NFASC: variants seen among roughly 807,000 people sequenced by gnomAD.
NFASC encodes the protein neurofascin, also known as neurofascin homolog.
Under a neutral mutation model 147.5 loss-of-function variants are expected in NFASC, and 43 were observed. The ratio of observed to expected loss-of-function variants is 0.29; its 90% CI spans 0.23 to 0.38. The LOEUF (loss-of-function observed/expected upper bound fraction) is 0.38. NFASC is among the 10% of genes least tolerant of loss of function. The probability of loss-of-function intolerance (pLI) is 1.00; values close to 1 mark genes in which losing one functional copy is unlikely to be tolerated. For synonymous variants in NFASC, 622 were observed against 665.5 expected (o/e 0.93, Z 1.01); for missense variants, 1,320 against 1,689.0 (o/e 0.78, Z 3.83).
intron 8 of NFASC, among the ~76,000 whole-genome samples, chr1:204,961,242 C>A (rs1232670118): frequency 6.6e-6 from 1 of 152,206 alleles, no homozygotes; most frequent in Non-Finnish European, 1.5e-5. Context: ...GTTTGAATTA[C>A]CTAACATTGG....
In NFASC at chr1:204,981,815, G is replaced by A. The variant is rs544193180; in HGVS notation, c.2265G>A (p.Ser755=). Residue 755 remains serine, a synonymous_variant, in exon 21 of 30, where the codon TCG becomes TCA. Coordinates refer to ENST00000339876, the MANE Select transcript of NFASC (RefSeq NM_001005388.3). ...EITWTPMNAT[S]AFGPNLRYIV... is the part of the protein sequence containing the mutation. ...CTGCCCAGCCCATGAATGCCACCTC[G>A]GCCTTTGGCCCCAACCTGCGCTACA... 28 of 1,566,720 alleles carry A rather than the reference G, an allele frequency of 1.8e-5. No homozygotes were observed. Among genetic ancestry groups the A allele is most frequent in the Admixed American group, 1.8e-5 (1 of 54,736 alleles).
chr1:205,016,051 C>T lies in NFASC; in HGVS notation c.3492-257C>T, dbSNP rs888698571. ...GGGACCCAATCTCATGGAAAAGACC[C>T]AGAACAGGAGCCCAAAAGCATGGGC... On this transcript the variant is annotated intron_variant, in intron 29 of 29. Coordinates refer to ENST00000339876, the MANE Select transcript of NFASC (RefSeq NM_001005388.3). The surrounding 1 kb of genome is among the most constrained non-coding windows in gnomAD (Gnocchi z 5.1). 1.3e-5 allele frequency among the ~76,000 whole-genome samples: 2 copies of T among 152,204 alleles called. No homozygotes were observed. Among genetic ancestry groups the T allele is most frequent in the Non-Finnish European group, 2.9e-5 (2 of 68,040 alleles).
rs1444475628 is a variant in NFASC, at chr1:204,997,186, C to T, written c.2799C>T (p.Pro933=). ...CCCTCTCAGCTCCTCCCACATTGCC[C>T]CCGACTACCGTGGGTGCGACGGGCG... is the stretch of plus-strand genomic sequence containing the variant. ...ATPTAAPPTL[P]PTTVGATGAV... Residue 933 remains proline (P), a synonymous_variant, in exon 25 of 30, where the codon CCC becomes CCT. Transcript: ENST00000339876. 9.3e-6 allele frequency: 15 copies of T among 1,611,608 alleles called. No individual in the cohort carries two copies. Among genetic ancestry groups the T allele is most frequent in the South Asian group, 3.3e-5 (3 of 91,024 alleles).
At chr1:204,861,078 CTTTTTTTTTTTTTTTTTT>C (rs1162020795) in intron 1 of NFASC, among the ~76,000 whole-genome samples, 6 of 68,948 alleles carry the variant, frequency 8.7e-5, no homozygotes, top group African/African-American at 3.2e-4. Context: ...ACTTGCTTTC[CTTTTTTTTTTTTTTTTTT>C]TTTTTTTTTG....
chr1:204,973,199 G>A, intron 11 of NFASC, 77 bp from the exon 12 acceptor site: 1 of 1,526,704 alleles, frequency 6.6e-7, no homozygotes, highest in Non-Finnish European at 9.0e-7. Context: ...GTTCCTGGGA[G>A]CCCTGGCCAG....
chr1:204,993,819 T>A, intron 24 of NFASC: 1 of 515,804 alleles, frequency 1.9e-6, no homozygotes, highest in Middle Eastern at 3.2e-4. Context: ...ACTTCTCAGC[T>A]TCGTTGCTCT....
chr1:205,010,005 T>C lies in NFASC; in HGVS notation c.3421+317T>C. 1 of 309,444 alleles carries C rather than the reference T, an allele frequency of 3.2e-6. No homozygotes were observed. Among genetic ancestry groups the C allele is most frequent in the Non-Finnish European group, 6.1e-6 (1 of 163,380 alleles). 19.2% of individuals were successfully genotyped at this position (309,444 alleles called of 1,614,324 possible). A position where few individuals can be genotyped will look rare whatever the true frequency, so the allele number is the denominator to read the frequency against. Reference sequence around the variant, plus strand: ...ATCTGTTCTATAAATTGGCTTTTTTTCAGCCTGAATCTCATTAGGATCCTG... The same window carrying C: ...ATCTGTTCTATAAATTGGCTTTTTTCCAGCCTGAATCTCATTAGGATCCTG... On this transcript the variant is annotated intron_variant, in intron 28 of 29. Transcript: ENST00000339876. The surrounding 1 kb of genome is among the most constrained non-coding windows in gnomAD (Gnocchi z 4.1).
At chr1:204,931,056 A>T (rs945845806) in intron 2 of NFASC, among the ~76,000 whole-genome samples, 1 of 152,194 alleles carries the variant, frequency 6.6e-6, no homozygotes, top group African/African-American at 2.4e-5. Context: ...CAGGACACAC[A>T]CTGGCTCCTT....
At chr1:204,835,580 A>G (rs956663772) in intron 1 of NFASC, among the ~76,000 whole-genome samples, 1 of 152,106 alleles carries the variant, frequency 6.6e-6, no homozygotes, top group Non-Finnish European at 1.5e-5. Flanking sequence ...ACTACTGGAG[A>G]AAAATCATGT....
chr1:204,893,967 A>G (rs998315625), intron 1 of NFASC, among the ~76,000 whole-genome samples: 7 of 152,232 alleles, frequency 4.6e-5, no homozygotes, highest in African/African-American at 1.7e-4. Flanking sequence ...TCTCATAACA[A>G]GTAGTCTGGA....
Position 204,944,312 on chromosome 1 carries a change from G to T in NFASC, c.-4G>T, listed in dbSNP as rs759689024. On this transcript the variant is annotated 5_prime_UTR_variant, in exon 3 of 30. Transcript: ENST00000339876. ...GGAGCAGGGAGCAGGGCCAGGTGCC[G>T]AGGATGGCCAGGCAGCCACCGCCGC... 6.2e-7 allele frequency: 1 copy of T among 1,613,214 alleles called. No individual in the cohort carries two copies. The highest frequency in any genetic ancestry group is 8.5e-7 in the Non-Finnish European group (1 of 1,179,770).
intron 2 of NFASC, among the ~76,000 whole-genome samples, chr1:204,936,655 C>T (rs2092870123): frequency 6.6e-6 from 1 of 152,122 alleles, no homozygotes; most frequent in African/African-American, 2.4e-5. Context: ...GCTGGCCTCA[C>T]TCAGAGGCTG....
chr1:204,955,327 A>G (rs1206343118), intron 7 of NFASC, among the ~76,000 whole-genome samples: 4 of 152,226 alleles, frequency 2.6e-5, no homozygotes, highest in African/African-American at 4.8e-5. Flanking sequence ...ACTTGGAAAC[A>G]TGATAATGAA....
rs546653434 is a variant in NFASC, at chr1:204,919,353, GCTT to G, written c.-199-1277_-199-1275del. ...GTAGGTCTTTTAAAATGTATTTTATGCTTCATCATTTTATTGTCTTTTTTAAAA... is the reference window on the plus strand; with the variant it reads ...GTAGGTCTTTTAAAATGTATTTTATGCATCATTTTATTGTCTTTTTTAAAA... On this transcript the variant is annotated intron_variant, in intron 1 of 29. Coordinates refer to ENST00000339876, the MANE Select transcript of NFASC (RefSeq NM_001005388.3). 5.9e-5 allele frequency among the ~76,000 whole-genome samples: 9 copies of G among 152,236 alleles called. No homozygotes were observed. In the East Asian group the frequency reaches 1.7e-3, roughly 29 times the overall value.
intron 22 of NFASC, 51 bp from the exon 23 acceptor site, chr1:204,988,582 C>T (rs1222237503): frequency 6.6e-7 from 1 of 1,516,476 alleles, no homozygotes; most frequent in Admixed American, 1.7e-5. Context: ...ATTATATAAC[C>T]CATCAATAAA....
rs549026430 is a variant in NFASC, at chr1:204,968,670, C to A, written c.819-128C>A. 3.7e-6 allele frequency: 3 copies of A among 802,584 alleles called. No individual in the cohort carries two copies. The highest frequency in any genetic ancestry group is 2.8e-5 in the Admixed American group (1 of 35,886). 49.7% of individuals were successfully genotyped at this position (802,584 alleles called of 1,614,324 possible). On this transcript the variant is annotated intron_variant, in intron 9 of 29. Coordinates refer to ENST00000339876, the MANE Select transcript of NFASC (RefSeq NM_001005388.3). The surrounding 1 kb of genome is among the most constrained non-coding windows in gnomAD (Gnocchi z 5.4). The stretch of plus-strand genomic sequence containing the variant: ...TCCTCCTCTGCACAGGAAAGATCAG[C>A]TTTTAGAGGACATGCATCCTCCTGG...
chr1:204,867,995 G>C (rs2077256378), intron 1 of NFASC, among the ~76,000 whole-genome samples: 1 of 152,232 alleles, frequency 6.6e-6, no homozygotes, highest in Non-Finnish European at 1.5e-5. Context: ...AGATTTCTAA[G>C]CTCCTCTGAC....
intron 16 of NFASC, 107 bp downstream of exon 16, chr1:204,976,902 G>A: frequency 6.6e-7 from 1 of 1,506,364 alleles, no homozygotes; most frequent in South Asian, 1.3e-5. Flanking sequence ...CAGTCAAGTG[G>A]CCGGGTCAGG....
At chr1:204,829,586 A>G (rs890205066) in intron 1 of NFASC, among the ~76,000 whole-genome samples, 1 of 152,072 alleles carries the variant, frequency 6.6e-6, no homozygotes, top group Admixed American at 6.5e-5. Context: ...GGGGGTTAGT[A>G]GGCCTCTCTC....
Sources: gnomAD v4.1 joint callset for allele counts (sites outside exome capture counted in the v4.1 genomes callset) on GRCh38, gnomAD v4.1.1 for gene constraint, Gnocchi (gnomAD v3.1) non-coding constraint, MANE v1.5 for transcripts, NCBI Gene and HGNC (gene_info 2026-07-23, HGNC 2026-07-21) for gene names.